Variants in MACC1 observed in about 807,000 individuals in gnomAD.
MACC1 encodes MET transcriptional regulator MACC1, also known as metastasis-associated in colon cancer protein 1.
A neutral mutation model predicts 70.7 loss-of-function variants in MACC1; 79 were observed. The observed-to-expected ratio is 1.12, with a 90% CI of 0.93 to 1.35. The LOEUF (loss-of-function observed/expected upper bound fraction) is 1.35, where lower values mean the gene tolerates loss of function less well. MACC1 is among the 40% of genes most tolerant of loss of function. The pLI is 0.00. For missense variants in MACC1, 1,106 were observed against 978.1 expected, an observed-to-expected ratio of 1.13 and a Z score of -1.74; for synonymous variants, 361 against 347.2, an observed-to-expected ratio of 1.04 and a Z score of -0.44.
At chr7:20,149,236 T>C (rs1201300366) in intron 6 of MACC1, among the ~76,000 whole-genome samples, 1 of 152,170 alleles carries the variant, frequency 6.6e-6, no homozygotes, top group Non-Finnish European at 1.5e-5. Context: ...GCTAACTTTT[T>C]CCTTACATTC....
rs140325129 is a variant in MACC1, at chr7:20,213,015, GC to G, written c.-218+4283del. Among the ~76,000 whole-genome samples the G allele has an allele frequency of 8.0e-3, 1,215 of 152,268 alleles. 18 individuals are homozygous for G. Among genetic ancestry groups the G allele is most frequent in the African/African-American group, 0.027 (1,108 of 41,550 alleles). On this transcript the variant is annotated intron_variant, in intron 1 of 6. Coordinates refer to ENST00000400331, the MANE Select transcript of MACC1 (RefSeq NM_182762.4). ...TGTTTTCGTAGAGCAGCTGTTCTGT[GC>G]TGGGATACCACTTCCACCTTGGTCG...
chr7:20,178,055 G>A (rs1031223990), intron 1 of MACC1, among the ~76,000 whole-genome samples: 1 of 151,648 alleles, frequency 6.6e-6, no homozygotes, highest in African/African-American at 2.4e-5. Flanking sequence ...AGCTCCTCTT[G>A]TTCCCAATTC....
intron 1 of MACC1, among the ~76,000 whole-genome samples, chr7:20,191,761 T>C (rs1221421132): frequency 6.6e-6 from 1 of 152,096 alleles, no homozygotes; most frequent in African/African-American, 2.4e-5. Flanking sequence ...CGGCTGGCAA[T>C]AAAAATTTGG....
chr7:20,205,093 A>T (rs1583412139), intron 1 of MACC1, among the ~76,000 whole-genome samples: 1 of 151,440 alleles, frequency 6.6e-6, no homozygotes, highest in African/African-American at 2.4e-5. Flanking sequence ...TTTTTTTTTT[A>T]GAATGGAAAA....
chr7:20,147,601 G>A (rs1781912117), intron 6 of MACC1: 1 of 152,124 alleles, frequency 6.6e-6, no homozygotes, highest in South Asian at 2.1e-4. Context: ...TATTGTTGAA[G>A]GTAAGATTGC....
chr7:20,180,165 C>A (rs1782479823), intron 1 of MACC1, among the ~76,000 whole-genome samples: 1 of 152,132 alleles, frequency 6.6e-6, no homozygotes, highest in Admixed American at 6.5e-5. Flanking sequence ...TAGGCAATGG[C>A]CAGGCATGGT....
chr7:20,212,863 C>A (rs1783018625), intron 1 of MACC1, among the ~76,000 whole-genome samples: 1 of 151,966 alleles, frequency 6.6e-6, no homozygotes, highest in African/African-American at 2.4e-5. Flanking sequence ...GAGTTCTGGC[C>A]CAGGGAGTTT....
rs780981048 is a variant in MACC1 at position 20,158,662 on chromosome 7, CA to C, written c.1698del (p.Ile566MetfsTer13). ...CCTTTGAAATATTCAAGGAAGTAATCAATCTTGCTTTGTCTTAGCACTGCCT... is the reference window on the plus strand; with the variant it reads ...CCTTTGAAATATTCAAGGAAGTAATCATCTTGCTTTGTCTTAGCACTGCCT... ...TLKAVLRQSK[I>X]DYFLEYFKGD... On this transcript the variant is annotated frameshift_variant, in exon 5 of 7. Coordinates refer to ENST00000400331, the MANE Select transcript of MACC1 (RefSeq NM_182762.4). LOFTEE classifies it high-confidence loss of function. 5 of 1,613,948 alleles carry C rather than the reference CA, an allele frequency of 3.1e-6. No individual in the cohort carries two copies. The highest frequency in any genetic ancestry group is 4.2e-6 in the Non-Finnish European group (5 of 1,179,952).
Position 20,136,736 on chromosome 7 carries a change from G to A in MACC1, c.*4210C>T, listed in dbSNP as rs2128098896. 1 of 151,934 alleles carries A rather than the reference G, an allele frequency of 6.6e-6. No homozygotes were observed. The highest frequency in any genetic ancestry group is 2.1e-4 in the South Asian group (1 of 4,802). The allele number at this position is 151,934 out of a possible 1,614,324, so 9.4% of individuals were successfully genotyped here. A position where few individuals can be genotyped will look rare whatever the true frequency, so the allele number is the denominator to read the frequency against. ...CTCACTAAACCATACAGCAGCATGT[G>A]GGAGAAAAGTTCATACAGAAGGAGG... On this transcript the variant is annotated 3_prime_UTR_variant, in exon 7 of 7. Coordinates refer to ENST00000400331, the MANE Select transcript of MACC1 (RefSeq NM_182762.4).
chr7:20,182,822 A>G (rs560021762), intron 1 of MACC1, among the ~76,000 whole-genome samples: 166 of 152,348 alleles, frequency 1.1e-3, no homozygotes, highest in African/African-American at 3.7e-3. Flanking sequence ...GTAATGAAAA[A>G]AAATCCCATT....
chr7:20,196,173 T>G lies in MACC1; in HGVS notation c.-218+21126A>C, dbSNP rs186297406. Among the ~76,000 whole-genome samples, 91 of 151,938 alleles carry G rather than the reference T, an allele frequency of 6.0e-4. 1 individual carries two copies. The highest frequency in any genetic ancestry group is 3.3e-3 in the Admixed American group (51 of 15,236). The stretch of plus-strand genomic sequence containing the variant: ...GCTTTTATTGGTAATAATTTTCAGG[T>G]TTTTTTTAAATTTTATTTTATTTTT... On this transcript the variant is annotated intron_variant, in intron 1 of 6. Transcript: ENST00000400331.
chr7:20,185,838 T>C (rs1364944481), intron 1 of MACC1, among the ~76,000 whole-genome samples: 1 of 152,170 alleles, frequency 6.6e-6, no homozygotes, highest in African/African-American at 2.4e-5. Flanking sequence ...ATAGGTAACA[T>C]TATTGTCTAC....
intron 1 of MACC1, among the ~76,000 whole-genome samples, chr7:20,178,384 G>A (rs547450790): frequency 5.5e-4 from 83 of 151,992 alleles, no homozygotes; most frequent in African/African-American, 2.0e-3. Flanking sequence ...CTTTTGTCCT[G>A]AATTAACAAG....
intron 1 of MACC1, among the ~76,000 whole-genome samples, chr7:20,180,470 AT>A (rs1782486202): frequency 6.6e-6 from 1 of 152,048 alleles, no homozygotes; most frequent in South Asian, 2.1e-4. Context: ...AGAAAAAAAA[AT>A]GTATAGGCTT....
At chr7:20,197,718 G>A (rs1005609338) in intron 1 of MACC1, among the ~76,000 whole-genome samples, 17 of 152,076 alleles carry the variant, frequency 1.1e-4, no homozygotes, top group South Asian at 2.1e-4. Context: ...CATAGATCAC[G>A]GAAAGTTTAA....
At chr7:20,189,749 A>AC (rs146049280) in intron 1 of MACC1, among the ~76,000 whole-genome samples, 33,224 of 104,948 alleles carry the variant, frequency 0.32, 4,116 homozygotes, top group African/African-American at 0.53. Context: ...ACAAACACAT[A>AC]AACACACACA....
chr7:20,192,765 C>T (rs901054686), intron 1 of MACC1, among the ~76,000 whole-genome samples: 1 of 152,210 alleles, frequency 6.6e-6, no homozygotes, highest in Non-Finnish European at 1.5e-5. Context: ...AAATTATTCA[C>T]ATTAAATGTA....
intron 5 of MACC1, among the ~76,000 whole-genome samples, chr7:20,155,922 C>T (rs930548830): frequency 3.9e-5 from 6 of 152,136 alleles, no homozygotes; most frequent in African/African-American, 1.4e-4. Flanking sequence ...AGTTTAAAAT[C>T]CAGCTCCACA....
chr7:20,204,637 G>A (rs574850686), intron 1 of MACC1, among the ~76,000 whole-genome samples: 3 of 152,046 alleles, frequency 2.0e-5, no homozygotes, highest in Non-Finnish European at 2.9e-5. Context: ...ACCAATGATC[G>A]AAAAAGTGAG....
Sources: gnomAD v4.1 joint callset for allele counts (sites outside exome capture counted in the v4.1 genomes callset) on GRCh38, gnomAD v4.1.1 for gene constraint, MANE v1.5 for transcripts, NCBI Gene and HGNC (gene_info 2026-07-23, HGNC 2026-07-21) for gene names.